Variants in EPB41 observed in about 807,000 individuals in gnomAD.
EPB41 encodes the protein erythrocyte membrane protein band 4.1.
A neutral mutation model predicts 108.0 loss-of-function variants in EPB41; 65 were observed. That is an observed-to-expected ratio of 0.60 (90% CI 0.49 to 0.74). The LOEUF (loss-of-function observed/expected upper bound fraction) is 0.74, where lower values mean the gene tolerates loss of function less well. Ranked by LOEUF, EPB41 falls within the 30% of genes least tolerant of loss-of-function variation. The pLI is 0.00. For synonymous variants in EPB41, 336 were observed against 358.9 expected (o/e 0.94, Z 0.72); for missense variants, 875 against 1,037.0 (o/e 0.84, Z 2.15).
intron 1 of EPB41, among the ~76,000 whole-genome samples, chr1:28,976,198 T>C (rs977396374): frequency 1.3e-5 from 2 of 152,140 alleles, no homozygotes; most frequent in African/African-American, 4.8e-5. Context: ...AATGCATGAC[T>C]CCATGATCTG....
At chr1:29,026,815 A>T (rs905806091) in intron 7 of EPB41, among the ~76,000 whole-genome samples, 3 of 151,894 alleles carry the variant, frequency 2.0e-5, no homozygotes, top group Non-Finnish European at 4.4e-5. Context: ...TCTTAAAAAA[A>T]ATTTTTTTTG....
At chr1:28,890,496 G>A (rs1200721240) in intron 1 of EPB41, among the ~76,000 whole-genome samples, 3 of 152,056 alleles carry the variant, frequency 2.0e-5, no homozygotes, top group South Asian at 4.1e-4. Flanking sequence ...CTATAGCCTC[G>A]GGACCTAGTT....
intron 1 of EPB41, among the ~76,000 whole-genome samples, chr1:28,891,883 G>A (rs1456519125): frequency 6.6e-6 from 1 of 152,030 alleles, no homozygotes; most frequent in East Asian, 1.9e-4. Context: ...GAGATCAGGA[G>A]TTCGACACAG....
chr1:29,011,799 G>A, intron 4 of EPB41, 66 bp from the exon 5 acceptor site: 1 of 1,556,350 alleles, frequency 6.4e-7, no homozygotes, highest in Non-Finnish European at 8.8e-7. Flanking sequence ...CAGTGATCTT[G>A]CTTCCAGTAC....
intron 14 of EPB41, among the ~76,000 whole-genome samples, chr1:29,059,134 G>A (rs1187832265): frequency 6.6e-6 from 1 of 152,070 alleles, no homozygotes; most frequent in Non-Finnish European, 1.5e-5. Flanking sequence ...AATTAGCCAG[G>A]CGTGTTGGTG....
intron 1 of EPB41, among the ~76,000 whole-genome samples, chr1:28,896,866 G>A (rs1394166320): frequency 2.6e-5 from 4 of 152,186 alleles, no homozygotes; most frequent in Admixed American, 6.5e-5. Flanking sequence ...CCAGCAGGGC[G>A]TGATAATGAA....
At chr1:29,086,155 C>G (rs1658806158) in intron 16 of EPB41, among the ~76,000 whole-genome samples, 1 of 151,578 alleles carries the variant, frequency 6.6e-6, no homozygotes, top group Non-Finnish European at 1.5e-5. Flanking sequence ...TTTTTATTAC[C>G]AAAGTAATAC....
chr1:28,895,718 C>T (rs984986018), intron 1 of EPB41, among the ~76,000 whole-genome samples: 3 of 152,124 alleles, frequency 2.0e-5, no homozygotes, highest in African/African-American at 7.2e-5. Flanking sequence ...GAACTCCTGA[C>T]CTCAGGTGAT....
chr1:28,915,731 C>CTTTTTTTTTTTTTTTTTTTTTTGTTG (rs11321625), intron 1 of EPB41, among the ~76,000 whole-genome samples: 1 of 56,074 alleles, frequency 1.8e-5, no homozygotes, highest in Non-Finnish European at 3.1e-5. Context: ...TTTTCAGATG[C>CTTTTTTTTTTTTTTTTTTTTTTGTTG]TTTTTTTTTT....
chr1:29,038,729 A>G (rs1640415511), intron 10 of EPB41, among the ~76,000 whole-genome samples: 1 of 152,208 alleles, frequency 6.6e-6, no homozygotes, highest in African/African-American at 2.4e-5. Flanking sequence ...TACATAGAGT[A>G]CCATATAGGA....
chr1:29,085,153 T>G (rs1558270751), intron 16 of EPB41, among the ~76,000 whole-genome samples: 2 of 148,168 alleles, frequency 1.3e-5, no homozygotes, highest in Non-Finnish European at 3.0e-5. Flanking sequence ...TTTTTTTTTT[T>G]TTTTTTTTGA....
At chr1:28,956,741 A>G (rs571900609) in intron 1 of EPB41, among the ~76,000 whole-genome samples, 8 of 152,238 alleles carry the variant, frequency 5.3e-5, no homozygotes, top group Non-Finnish European at 4.4e-5. Context: ...AGCACCTACT[A>G]TACAGTTCTT....
chr1:29,072,638 A>C (rs558846086), intron 16 of EPB41: 1 of 152,360 alleles, frequency 6.6e-6, no homozygotes, highest in Non-Finnish European at 1.5e-5. Context: ...GAGTCAAAGG[A>C]GAGGCCATTT....
chr1:28,911,227 A>C (rs1410991238), upstream of EPB41: 2 of 945,168 alleles, frequency 2.1e-6, no homozygotes, highest in African/African-American at 1.8e-5. Flanking sequence ...TGTGTGTCTA[A>C]AATAACAAAA....
intron 4 of EPB41, among the ~76,000 whole-genome samples, chr1:28,999,487 A>G (rs568618280): frequency 1.8e-4 from 27 of 151,232 alleles, no homozygotes; most frequent in Admixed American, 5.3e-4. Flanking sequence ...CATTGTGGGG[A>G]AAAAAAAACC....
intron 16 of EPB41, among the ~76,000 whole-genome samples, chr1:29,091,051 T>C (rs1180953209): frequency 6.6e-6 from 1 of 152,236 alleles, no homozygotes; most frequent in African/African-American, 2.4e-5. Context: ...GCTAGGGCTT[T>C]TATCATTGTT....
At chr1:29,082,260 G>T (rs1161984258) in intron 16 of EPB41, among the ~76,000 whole-genome samples, 1 of 152,056 alleles carries the variant, frequency 6.6e-6, no homozygotes. Flanking sequence ...GAGTAGCTGG[G>T]ATTACAGACA....
chr1:28,887,458 C>T lies in EPB41; in HGVS notation c.-8+248C>T. 1 of 985,196 alleles carries T rather than the reference C, an allele frequency of 1.0e-6. No individual in the cohort carries two copies. Among genetic ancestry groups the T allele is most frequent in the Non-Finnish European group, 1.2e-6 (1 of 829,858 alleles). 61.0% of individuals were successfully genotyped at this position (985,196 alleles called of 1,614,324 possible). A position where few individuals can be genotyped will look rare whatever the true frequency, so the allele number is the denominator to read the frequency against. ...AGTCTGGAGAGGGGGTCCGGGAGCT[C>T]GGATCCGGAGCTAGACACGTCCGGG... On this transcript the variant is annotated intron_variant, in intron 1 of 16. Coordinates refer to the EPB41 transcript ENST00000347529. The surrounding 1 kb of genome is among the most constrained non-coding windows in gnomAD (Gnocchi z 4.9).
rs1049092643 is a variant in EPB41 at position 28,934,012 on chromosome 1, C to A, written c.-8+19244C>A. ...CAGGTTTTTTTCCTAATGTCTTTTT[C>A]CTGTTCCTGAATACCATCCAGGATA... is the stretch of plus-strand genomic sequence containing the variant. On this transcript the variant is annotated intron_variant, in intron 1 of 20. Transcript: ENST00000343067. 7.9e-5 allele frequency among the ~76,000 whole-genome samples: 12 copies of A among 152,074 alleles called. No homozygotes were observed. The South Asian group carries it at 2.5e-3, about 32-fold the overall frequency.
Sources: allele counts gnomAD v4.1 joint callset (sites outside exome capture counted in the v4.1 genomes callset), GRCh38; gene constraint gnomAD v4.1.1; non-coding constraint Gnocchi (gnomAD v3.1); transcripts MANE v1.5; gene names NCBI Gene and HGNC (gene_info 2026-07-23, HGNC 2026-07-21).